PAX5: variants seen among roughly 807,000 people sequenced by gnomAD.
The protein encoded by PAX5 is paired box protein Pax-5.
In PAX5, 9 loss-of-function variants were observed where a neutral mutation model predicts 43.7. The ratio of observed to expected loss-of-function variants is 0.21; its 90% CI spans 0.12 to 0.36. PAX5 has a LOEUF of 0.36. Among genes scored for constraint, PAX5 ranks in the 10% least tolerant of loss-of-function variants. The probability of loss-of-function intolerance (pLI) is 1.00; values close to 1 mark genes in which losing one functional copy is unlikely to be tolerated. For synonymous variants in PAX5, 228 were observed against 214.3 expected (o/e 1.06, Z -0.56); for missense variants, 383 against 532.7 (o/e 0.72, Z 2.77).
intron 7 of PAX5, among the ~76,000 whole-genome samples, chr9:36,904,789 G>A (rs1828685150): frequency 6.6e-6 from 1 of 152,190 alleles, no homozygotes; most frequent in African/African-American, 2.4e-5. Flanking sequence ...TGCGTGATTA[G>A]TAACGACCAA....
At chr9:36,918,197 G>A (rs1004829541) in intron 7 of PAX5, among the ~76,000 whole-genome samples, 2 of 152,222 alleles carry the variant, frequency 1.3e-5, no homozygotes, top group African/African-American at 2.4e-5. Context: ...AGCTTAGTGA[G>A]GAAGGCATGT....
rs1050837479 is a variant in PAX5, at chr9:36,839,842, G to A, written c.*718C>T. 2.6e-5 allele frequency: 6 copies of A among 233,694 alleles called. No homozygotes were observed. The highest frequency in any genetic ancestry group is 1.1e-4 in the Admixed American group (2 of 17,880). 14.5% of individuals were successfully genotyped at this position (233,694 alleles called of 1,614,324 possible). On this transcript the variant is annotated 3_prime_UTR_variant, in exon 10 of 10. Coordinates refer to ENST00000358127, the MANE Select transcript of PAX5 (RefSeq NM_016734.3). Reference sequence around the variant, plus strand: ...AGCTGCTGATACTGCATCGGTCCCAGAGAAATGGAGGCAGGAAACCAGGAC... The same window carrying A: ...AGCTGCTGATACTGCATCGGTCCCAAAGAAATGGAGGCAGGAAACCAGGAC...
chr9:36,874,803 T>G (rs1825777059), intron 8 of PAX5, among the ~76,000 whole-genome samples: 1 of 152,202 alleles, frequency 6.6e-6, no homozygotes, highest in Admixed American at 6.5e-5. Flanking sequence ...ATTTGAGCGT[T>G]AGCATGCCTG....
intron 7 of PAX5, among the ~76,000 whole-genome samples, chr9:36,895,102 C>T (rs10814467): frequency 0.06 from 9,178 of 152,328 alleles, 328 homozygotes; most frequent in Middle Eastern, 0.099. Context: ...CACCTCCCTA[C>T]CACACGCTTT....
At chr9:37,005,148 A>G (rs1481370333) in intron 4 of PAX5, among the ~76,000 whole-genome samples, 1 of 152,190 alleles carries the variant, frequency 6.6e-6, no homozygotes, top group Admixed American at 6.5e-5. Context: ...TTCCCCCAGG[A>G]AGCCTTCCTT....
At chr9:37,007,991 T>C (rs1240725500) in intron 3 of PAX5, 2 of 152,236 alleles carry the variant, frequency 1.3e-5, no homozygotes, top group Non-Finnish European at 2.9e-5. Flanking sequence ...GTGATTCTCC[T>C]GCCTCATCCT....
intron 3 of PAX5, among the ~76,000 whole-genome samples, chr9:37,008,362 T>C (rs1236758093): frequency 1.3e-5 from 2 of 152,236 alleles, no homozygotes; most frequent in Non-Finnish European, 2.9e-5. Context: ...CCTCCATGTA[T>C]ACAGTTTTGC....
intron 2 of PAX5, 26 bp downstream of exon 2, chr9:37,020,610 G>A (rs1424841927): frequency 1.9e-6 from 3 of 1,611,764 alleles, no homozygotes; most frequent in African/African-American, 1.3e-5. Context: ...GAAAGATCAA[G>A]GGAAGCCTCG....
At chr9:36,901,409 C>G (rs1828381211) in intron 7 of PAX5, among the ~76,000 whole-genome samples, 1 of 152,128 alleles carries the variant, frequency 6.6e-6, no homozygotes, top group Admixed American at 6.5e-5. Flanking sequence ...CCCCGTTGTG[C>G]ACCTGTGACA....
chr9:36,939,196 T>G (rs111323116), intron 6 of PAX5, among the ~76,000 whole-genome samples: 1,537 of 152,284 alleles, frequency 0.01, 24 homozygotes, highest in African/African-American at 0.035. Flanking sequence ...CACCACCCTT[T>G]CTTTCTTAAA....
At chr9:36,872,077 G>A (rs1825544064) in intron 8 of PAX5, among the ~76,000 whole-genome samples, 1 of 152,204 alleles carries the variant, frequency 6.6e-6, no homozygotes. Flanking sequence ...GCAGATTCCA[G>A]TCTGGGAGCC....
At chr9:36,975,343 C>T (rs118063708) in intron 5 of PAX5, among the ~76,000 whole-genome samples, 5,733 of 152,170 alleles carry the variant, frequency 0.038, 175 homozygotes, top group Middle Eastern at 0.17. Context: ...GGTTCGAATT[C>T]CAGAACTCTG....
intron 5 of PAX5, among the ~76,000 whole-genome samples, chr9:36,996,321 G>A (rs1281384103): frequency 6.6e-6 from 1 of 152,270 alleles, no homozygotes; most frequent in Non-Finnish European, 1.5e-5. Flanking sequence ...AACCCACAAG[G>A]CTTGCGTCAA....
rs1368567138 is a variant in PAX5 at position 36,973,068 on chromosome 9, A to AGGAAC, written c.605-6349_605-6345dup. ...AAAGAAAGAAAGAAAAGGAAAGGAAAGGAACGGAACGGAACGGAAAGGAAA... is the reference window on the plus strand; with the variant it reads ...AAAGAAAGAAAGAAAAGGAAAGGAAAGGAACGGAACGGAACGGAACGGAAAGGAAA... On this transcript the variant is annotated intron_variant, in intron 5 of 9. Coordinates refer to ENST00000358127, the MANE Select transcript of PAX5 (RefSeq NM_016734.3). 3.2e-3 allele frequency among the ~76,000 whole-genome samples: 357 copies of AGGAAC among 110,258 alleles called. 13 individuals are homozygous for AGGAAC. The highest frequency in any genetic ancestry group is 4.6e-3 in the Admixed American group (44 of 9,510). The allele number at this position is 110,258 out of a possible 152,430, so 72.3% of individuals were successfully genotyped here.
chr9:36,863,194 C>T (rs79853847), intron 8 of PAX5, among the ~76,000 whole-genome samples: 3,536 of 152,348 alleles, frequency 0.023, 133 homozygotes, highest in African/African-American at 0.08. Context: ...AGGAGAAAAA[C>T]GTAAGGATAA....
intron 9 of PAX5, among the ~76,000 whole-genome samples, chr9:36,845,298 C>G (rs748523841): frequency 2.0e-5 from 3 of 152,230 alleles, no homozygotes; most frequent in Non-Finnish European, 4.4e-5. Context: ...TCCCTACCCC[C>G]ACCCCTGCTG....
intron 6 of PAX5, among the ~76,000 whole-genome samples, chr9:36,957,785 T>C (rs1241815686): frequency 6.6e-6 from 1 of 151,904 alleles, no homozygotes; most frequent in Non-Finnish European, 1.5e-5. Context: ...ACATATGACT[T>C]CTCCCTCCTT....
At chr9:36,958,134 C>T (rs1046455774) in intron 6 of PAX5, among the ~76,000 whole-genome samples, 19 of 152,178 alleles carry the variant, frequency 1.2e-4, no homozygotes, top group Non-Finnish European at 2.4e-4. Flanking sequence ...CCTGCCCCTG[C>T]AGAAATGCAC....
At chr9:36,918,083 TA>T (rs1829861526) in intron 7 of PAX5, among the ~76,000 whole-genome samples, 2 of 152,160 alleles carry the variant, frequency 1.3e-5, no homozygotes, top group African/African-American at 4.8e-5. Flanking sequence ...GAGACATCAA[TA>T]CTGAAATTAG....
Sources: gnomAD v4.1 joint callset for allele counts (sites outside exome capture counted in the v4.1 genomes callset) on GRCh38, gnomAD v4.1.1 for gene constraint, MANE v1.5 for transcripts, NCBI Gene and HGNC (gene_info 2026-07-23, HGNC 2026-07-21) for gene names.